MARCHF5: variants seen among roughly 807,000 people sequenced by gnomAD.
MARCHF5 encodes the protein E3 ubiquitin-protein ligase MARCHF5.
MARCHF5 carries 5 observed loss-of-function variants against 36.5 expected under a neutral mutation model. The ratio of observed to expected loss-of-function variants is 0.14; its 90% CI spans 0.07 to 0.29. The LOEUF is 0.29. Ranked by LOEUF, MARCHF5 falls within the 10% of genes least tolerant of loss-of-function variation. The probability of loss-of-function intolerance (pLI) is 1.00; values close to 1 mark genes in which losing one functional copy is unlikely to be tolerated. For synonymous variants in MARCHF5, 103 were observed against 109.9 expected (o/e 0.94, Z 0.39); for missense variants, 179 against 336.3 (o/e 0.53, Z 3.66).
At chr10:92,318,521 G>A (rs1004788316) in intron 2 of MARCHF5, among the ~76,000 whole-genome samples, 1 of 151,164 alleles carries the variant, frequency 6.6e-6, no homozygotes, top group African/African-American at 2.4e-5. Context: ...AGGAGTTCGA[G>A]ACCAGCCTGG....
intron 1 of MARCHF5, among the ~76,000 whole-genome samples, chr10:92,305,088 T>C (rs1184814712): frequency 6.6e-6 from 1 of 152,148 alleles, no homozygotes. Context: ...CATAAAACAA[T>C]TTGATTTCTA....
At chr10:92,291,593 C>G in intron 1 of MARCHF5, 64 bp downstream of exon 1, 1 of 1,468,490 alleles carries the variant, frequency 6.8e-7, no homozygotes, top group Non-Finnish European at 9.0e-7. Context: ...CCCGCGCCCG[C>G]CCTCGAGGCT....
chr10:92,310,120 C>T (rs1843126193), intron 1 of MARCHF5, among the ~76,000 whole-genome samples: 1 of 152,148 alleles, frequency 6.6e-6, no homozygotes, highest in Middle Eastern at 3.2e-3. Flanking sequence ...GAGAACCTCA[C>T]CCATCTATAA....
chr10:92,309,526 CTAAA>C (rs1242194500), intron 1 of MARCHF5, among the ~76,000 whole-genome samples: 2 of 152,170 alleles, frequency 1.3e-5, no homozygotes, highest in East Asian at 3.9e-4. Flanking sequence ...TAAAGAGTCT[CTAAA>C]TATTCTGCCA....
chr10:92,304,305 G>T (rs917386967), intron 1 of MARCHF5, among the ~76,000 whole-genome samples: 1 of 152,154 alleles, frequency 6.6e-6, no homozygotes, highest in Non-Finnish European at 1.5e-5. Context: ...TTATATATGT[G>T]CTAGGCAATT....
In MARCHF5 at chr10:92,351,360, C is replaced by G. The variant is rs1843711960; in HGVS notation, c.*153C>G. The G allele has an allele frequency of 4.0e-6, 2 of 506,156 alleles. No individual in the cohort carries two copies. Among genetic ancestry groups the G allele is most frequent in the Admixed American group, 7.6e-5 (2 of 26,210 alleles). 31.4% of individuals were successfully genotyped at this position (506,156 alleles called of 1,614,324 possible). ...ATAAAGCACTTAGGGCAGGGGAAATCATCTCGGTAATCATGGAACCTAAGG... is the reference window on the plus strand; with the variant it reads ...ATAAAGCACTTAGGGCAGGGGAAATGATCTCGGTAATCATGGAACCTAAGG... On this transcript the variant is annotated 3_prime_UTR_variant, in exon 6 of 6. Coordinates refer to ENST00000358935, the MANE Select transcript of MARCHF5 (RefSeq NM_017824.5).
In MARCHF5 at chr10:92,291,192, G is replaced by A. The variant is rs1168356538; in HGVS notation, c.-303G>A. 1.8e-5 allele frequency: 9 copies of A among 502,184 alleles called. No individual in the cohort carries two copies. The East Asian group carries it at 3.4e-4, about 19-fold the overall frequency. 31.1% of individuals were successfully genotyped at this position (502,184 alleles called of 1,614,324 possible). On this transcript the variant is annotated 5_prime_UTR_variant, in exon 1 of 6. Coordinates refer to ENST00000358935, the MANE Select transcript of MARCHF5 (RefSeq NM_017824.5). ...ACCTCACAAAGGTAGCTCCTCCGCC[G>A]GCAGCAACTCGGCGCCCGCGGTCCA...
intron 2 of MARCHF5, among the ~76,000 whole-genome samples, chr10:92,316,120 T>C (rs542500032): frequency 6.6e-6 from 1 of 152,272 alleles, no homozygotes; most frequent in Admixed American, 6.5e-5. Context: ...GTGATGATGG[T>C]TAATATTCTA....
chr10:92,327,522 A>T (rs370487142), intron 2 of MARCHF5, among the ~76,000 whole-genome samples: 9 of 152,234 alleles, frequency 5.9e-5, no homozygotes, highest in African/African-American at 2.2e-4. Flanking sequence ...TCTGTAAGAT[A>T]AATGACTAGA....
At chr10:92,320,086 C>A (rs1843273156) in intron 2 of MARCHF5, among the ~76,000 whole-genome samples, 1 of 150,730 alleles carries the variant, frequency 6.6e-6, no homozygotes, top group South Asian at 2.1e-4. Flanking sequence ...CAGGGTCTTA[C>A]TGTGTCACCC....
At chr10:92,337,121 C>CAAAAAAA (rs199761409) in intron 2 of MARCHF5, among the ~76,000 whole-genome samples, 22 of 129,476 alleles carry the variant, frequency 1.7e-4, no homozygotes, top group South Asian at 5.1e-4. Context: ...GACTCTGTCT[C>CAAAAAAA]AAAAAAAAAA....
chr10:92,344,432 T>C (rs896105411), intron 3 of MARCHF5, among the ~76,000 whole-genome samples: 1 of 152,232 alleles, frequency 6.6e-6, no homozygotes, highest in African/African-American at 2.4e-5. Context: ...AGTACACATA[T>C]GTGTTACCAT....
chr10:92,349,656 A>G lies in MARCHF5; in HGVS notation c.554-15A>G, dbSNP rs767096104. 6 of 1,611,456 alleles carry G rather than the reference A, an allele frequency of 3.7e-6. No homozygotes were observed. Among genetic ancestry groups the G allele is most frequent in the Admixed American group, 1.7e-5 (1 of 59,412 alleles). ...TGATTTATTAGCACTAACGCACTGC[A>G]TTTTTTTCCTCTAGGGATAGGTTGT... On this transcript the variant is annotated splice_polypyrimidine_tract_variant and intron_variant, in intron 4 of 5. Transcript: ENST00000358935.
intron 5 of MARCHF5, among the ~76,000 whole-genome samples, 195 bp from the exon 6 acceptor site, chr10:92,350,896 C>A (rs554149404): frequency 6.6e-6 from 1 of 152,132 alleles, no homozygotes; most frequent in Admixed American, 6.5e-5. Context: ...TCCCCTGTTA[C>A]CTGTAGTAAC....
intron 1 of MARCHF5, among the ~76,000 whole-genome samples, chr10:92,306,665 A>G (rs927538565): frequency 6.6e-6 from 1 of 152,164 alleles, no homozygotes; most frequent in Non-Finnish European, 1.5e-5. Context: ...GGGGTAGGGT[A>G]TGGAGAAGCA....
intron 1 of MARCHF5, among the ~76,000 whole-genome samples, chr10:92,297,322 A>G (rs943176521): frequency 6.6e-6 from 1 of 151,428 alleles, no homozygotes; most frequent in Admixed American, 6.6e-5. Context: ...GTGCACCACC[A>G]CACCTAGCTG....
At chr10:92,297,977 C>A (rs977898925) in intron 1 of MARCHF5, among the ~76,000 whole-genome samples, 5 of 152,186 alleles carry the variant, frequency 3.3e-5, no homozygotes, top group African/African-American at 1.2e-4. Context: ...GCAGGCCAAT[C>A]ACTTGAGCTC....
At chr10:92,334,858 A>G (rs894527015) in intron 2 of MARCHF5, among the ~76,000 whole-genome samples, 8 of 152,210 alleles carry the variant, frequency 5.3e-5, no homozygotes, top group East Asian at 1.9e-4. Context: ...TACCCAGAAT[A>G]TTAGGGTGTA....
chr10:92,305,123 A>C (rs903646214), intron 1 of MARCHF5, among the ~76,000 whole-genome samples: 6 of 152,184 alleles, frequency 3.9e-5, no homozygotes, highest in African/African-American at 1.4e-4. Flanking sequence ...AAGAATATTT[A>C]CAGGGCCAGG....
Sources: allele counts gnomAD v4.1 joint callset (sites outside exome capture counted in the v4.1 genomes callset), GRCh38; gene constraint gnomAD v4.1.1; transcripts MANE v1.5; gene names NCBI Gene and HGNC (gene_info 2026-07-23, HGNC 2026-07-21).